The following KIR2DL3 variants were observed in gnomAD, a reference collection of about 807,000 sequenced individuals.
The protein encoded by KIR2DL3 is killer cell immunoglobulin like receptor, two Ig domains and long cytoplasmic tail 3.
Under a neutral mutation model 33.8 loss-of-function variants are expected in KIR2DL3, and 39 were observed. The observed-to-expected ratio is 1.15, with a 90% CI of 0.89 to 1.51. The LOEUF (loss-of-function observed/expected upper bound fraction) is 1.51. KIR2DL3 is among the 40% of genes most tolerant of loss of function. The pLI, the probability that KIR2DL3 is intolerant of heterozygous loss-of-function variation, is 0.00. For synonymous variants in KIR2DL3, 174 were observed against 160.2 expected (o/e 1.09, Z -0.65); for missense variants, 462 against 426.2 (o/e 1.08, Z -0.74).
At chr19:54,746,879 G>A (rs2072584250) in intron 4 of KIR2DL3, among the ~76,000 whole-genome samples, 3 of 147,934 alleles carry the variant, frequency 2.0e-5, no homozygotes, top group African/African-American at 7.5e-5. Flanking sequence ...CTACTCAGGA[G>A]TTTGAGGCCA....
chr19:54,745,139 A>G (rs1243656785), intron 4 of KIR2DL3, among the ~76,000 whole-genome samples: 13 of 151,448 alleles, frequency 8.6e-5, no homozygotes, highest in African/African-American at 2.4e-4. Flanking sequence ...TATTCTTTCT[A>G]TGGATGAGTA....
intron 4 of KIR2DL3, 126 bp downstream of exon 4, chr19:54,744,214 G>A (rs2071805656): frequency 6.9e-7 from 1 of 1,449,814 alleles, no homozygotes; most frequent in Non-Finnish European, 9.4e-7. Context: ...TGTGAGGGAG[G>A]GATCAGGGCA....
rs1210701630 is a variant in KIR2DL3 at position 54,747,077 on chromosome 19, A to G, written c.665-258A>G. Among the ~76,000 whole-genome samples the G allele has an allele frequency of 6.4e-5, 9 of 141,262 alleles. 2 individuals carry two copies. In the South Asian group the frequency reaches 7.2e-4, roughly 11 times the overall value. The allele number at this position is 141,262 out of a possible 152,430, so 92.7% of individuals were successfully genotyped here. A position where few individuals can be genotyped will look rare whatever the true frequency, so the allele number is the denominator to read the frequency against. On this transcript the variant is annotated intron_variant, in intron 4 of 7. Coordinates refer to ENST00000342376, the MANE Select transcript of KIR2DL3 (RefSeq NM_015868.3). ...GTTCTACGTGCCTTTCTTTATGCCA[A>G]TGTGATGCTGTTTTGCTTACTACAG...
chr19:54,741,336 T>A (rs1476891155), intron 2 of KIR2DL3, among the ~76,000 whole-genome samples: 7 of 150,542 alleles, frequency 4.6e-5, no homozygotes, highest in Middle Eastern at 6.8e-3. Flanking sequence ...TGAGACTCTG[T>A]CTCCATAATT....
chr19:54,742,087 C>A lies in KIR2DL3; in HGVS notation c.178C>A (p.Leu60Met), dbSNP rs751453474. ...WSDVRFQHFL[L>M]HREGKFKDTL... ...AGATGTCAGGTTTCAGCACTTCCTT[C>A]TGCACAGAGAAGGGAAGTTTAAGGA... The change falls in exon 3 of 8, where the codon CTG becomes ATG. Residue 60 changes from leucine (L) to methionine (M), a missense_variant. By Grantham distance (15) the Leu-to-Met change is conservative. Coordinates refer to ENST00000342376, the MANE Select transcript of KIR2DL3 (RefSeq NM_015868.3). 1.7e-5 allele frequency: 28 copies of A among 1,613,666 alleles called. No individual in the cohort carries two copies. The highest frequency in any genetic ancestry group is 2.4e-5 in the Non-Finnish European group (28 of 1,179,902).
intron 2 of KIR2DL3, among the ~76,000 whole-genome samples, chr19:54,740,581 TG>T (rs371265371): frequency 4.8e-4 from 73 of 151,640 alleles, no homozygotes; most frequent in Middle Eastern, 3.4e-3. Flanking sequence ...GGATTCTCCT[TG>T]TCCCACCTCC....
chr19:54,743,556 G>C (rs2071601172), intron 3 of KIR2DL3, among the ~76,000 whole-genome samples: 1 of 152,180 alleles, frequency 6.6e-6, no homozygotes, highest in Non-Finnish European at 1.5e-5. Flanking sequence ...GAGAGTCAGA[G>C]AGAATAAAAG....
intron 5 of KIR2DL3, 39 bp downstream of exon 5, chr19:54,747,424 T>G (rs2072715725): frequency 6.2e-7 from 1 of 1,601,226 alleles, no homozygotes; most frequent in East Asian, 2.2e-5. Context: ...TTTGGAAACC[T>G]GGGGAGGTAG....
intron 5 of KIR2DL3, among the ~76,000 whole-genome samples, chr19:54,750,583 T>C (rs1446017383): frequency 1.5e-5 from 2 of 135,958 alleles, no homozygotes; most frequent in Non-Finnish European, 3.2e-5. Flanking sequence ...GATGTAGAAA[T>C]CCTAAAGCAC....
At chr19:54,740,109 A>G (rs1282496248) in intron 2 of KIR2DL3, among the ~76,000 whole-genome samples, 1 of 152,162 alleles carries the variant, frequency 6.6e-6, no homozygotes, top group African/African-American at 2.4e-5. Context: ...TGTTGTAGGG[A>G]GACACCATGT....
In KIR2DL3 at chr19:54,748,291, A is replaced by C. The variant is rs569223727; in HGVS notation, c.715+906A>C. On this transcript the variant is annotated intron_variant, in intron 5 of 7. Coordinates refer to ENST00000342376, the MANE Select transcript of KIR2DL3 (RefSeq NM_015868.3). ...TGGGGATTCTATTGGGTTCACCAAG[A>C]TGAAAATCCCTCATAATCTCCTGGA... is the stretch of plus-strand genomic sequence containing the variant. Among the ~76,000 whole-genome samples the C allele has an allele frequency of 5.0e-3, 762 of 151,808 alleles. 4 individuals are homozygous for C. The highest frequency in any genetic ancestry group is 0.017 in the African/African-American group (716 of 41,360).
chr19:54,749,460 C>A (rs1215157123), intron 5 of KIR2DL3, among the ~76,000 whole-genome samples: 1 of 122,072 alleles, frequency 8.2e-6, no homozygotes, highest in East Asian at 2.0e-4. Context: ...ACTGGAAACG[C>A]TTACTGGGTT....
In KIR2DL3 at chr19:54,742,196, G is replaced by A. The variant is rs1325006558; in HGVS notation, c.287G>A (p.Gly96Glu). The A allele has an allele frequency of 1.2e-6, 2 of 1,614,016 alleles. No homozygotes were observed. Among genetic ancestry groups the A allele is most frequent in the African/African-American group, 2.7e-5 (2 of 74,876 alleles). Reference protein sequence around the residue: ...SIGPMMQDLAGTYRCYGSVTH... With the variant: ...SIGPMMQDLAETYRCYGSVTH... ...GGTCCCATGATGCAAGACCTTGCAG[G>A]GACCTACAGATGCTACGGTTCTGTT... The change falls in exon 3 of 8, where the codon GGG (glycine) becomes GAG (glutamate). Residue 96 changes from glycine (G) to glutamate (E), a missense_variant. Physicochemically the swap from Gly to Glu is moderately conservative, Grantham distance 98 (BLOSUM62 -2). Transcript: ENST00000342376.
chr19:54,749,092 G>C (rs1277853784), intron 5 of KIR2DL3, among the ~76,000 whole-genome samples: 815 of 138,538 alleles, frequency 5.9e-3, no homozygotes, highest in Middle Eastern at 0.012. Context: ...AGGCACAAAG[G>C]TGAAAACAAT....
In KIR2DL3 at chr19:54,744,886, A is replaced by ATGTG. The variant is rs1471025327; in HGVS notation, c.664+799_664+800insGTGT. 9.5e-3 allele frequency among the ~76,000 whole-genome samples: 639 copies of ATGTG among 67,374 alleles called. 11 individuals carry two copies. The highest frequency in any genetic ancestry group is 0.03 in the African/African-American group (599 of 20,122). The allele number at this position is 67,374 out of a possible 152,430, so 44.2% of individuals were successfully genotyped here. A position where few individuals can be genotyped will look rare whatever the true frequency, so the allele number is the denominator to read the frequency against. Reference sequence around the variant, plus strand: ...TAAATACATTTATATATATATATATATATATATATATACACACACACACAC... The same window carrying ATGTG: ...TAAATACATTTATATATATATATATATGTGTATATATATATACACACACACACAC... On this transcript the variant is annotated intron_variant, in intron 4 of 7. Transcript: ENST00000342376.
intron 1 of KIR2DL3, among the ~76,000 whole-genome samples, chr19:54,738,901 GGGCCTGGAGTGGA>G (rs2070354872): frequency 2.9e-3 from 430 of 146,506 alleles, no homozygotes; most frequent in African/African-American, 0.01. Context: ...GTGGAGATAT[GGGCCTGGAGTGGA>G]GATATGGGCC....
intron 3 of KIR2DL3, 90 bp downstream of exon 3, chr19:54,742,369 G>A: frequency 6.5e-7 from 1 of 1,539,356 alleles, no homozygotes; most frequent in Non-Finnish European, 8.9e-7. Context: ...AGGAAGATGA[G>A]CTTGGTATTC....
intron 2 of KIR2DL3, among the ~76,000 whole-genome samples, chr19:54,740,639 G>A (rs375841057): frequency 1.3e-5 from 2 of 151,622 alleles, no homozygotes; most frequent in African/African-American, 4.9e-5. Flanking sequence ...GTCCCATCAC[G>A]CAGGCCCTGA....
At chr19:54,749,308 A>G (rs1668299498) in intron 5 of KIR2DL3, among the ~76,000 whole-genome samples, 1 of 148,528 alleles carries the variant, frequency 6.7e-6, no homozygotes, top group Admixed American at 6.8e-5. Flanking sequence ...CATGAAAATA[A>G]GGGAGGCTCA....
Sources: gnomAD v4.1 joint callset for allele counts (sites outside exome capture counted in the v4.1 genomes callset) on GRCh38, gnomAD v4.1.1 for gene constraint, MANE v1.5 for transcripts, NCBI Gene and HGNC (gene_info 2026-07-23, HGNC 2026-07-21) for gene names.